Variants in KCNK15 observed in about 807,000 individuals in gnomAD.
KCNK15 encodes the protein potassium two pore domain channel subfamily K member 15, also known as potassium channel subfamily K member 15.
Under a neutral mutation model 8.5 loss-of-function variants are expected in KCNK15, and 9 were observed. The ratio of observed to expected loss-of-function variants is 1.06; its 90% CI spans 0.64 to 1.85. KCNK15 has a LOEUF of 1.85. Ranked by LOEUF, KCNK15 falls within the 40% of genes most tolerant of loss-of-function variation. The pLI is 0.00. For synonymous variants in KCNK15, 224 were observed against 232.7 expected, an observed-to-expected ratio of 0.96 and a Z score of 0.34; for missense variants, 467 against 476.8, an observed-to-expected ratio of 0.98 and a Z score of 0.19.
At chr20:44,747,078 CT>C (rs926933823) in intron 1 of KCNK15, 20 of 152,286 alleles carry the variant, frequency 1.3e-4, no homozygotes, top group African/African-American at 4.3e-4. Context: ...GGCACCCCCC[CT>C]GGGGCTTGGA....
chr20:44,747,218 T>G (rs1258906156), intron 1 of KCNK15: 3 of 152,174 alleles, frequency 2.0e-5, no homozygotes, highest in Non-Finnish European at 4.4e-5. Flanking sequence ...GGAGTTCTGG[T>G]CTCATCTCTA....
At position 44,750,921 on chromosome 20, in the gene KCNK15, C is replaced by T. The variant is rs1177716667; in HGVS notation, c.*83C>T. 4.1e-6 allele frequency: 4 copies of T among 974,866 alleles called. No homozygotes were observed. Among genetic ancestry groups the T allele is most frequent in the African/African-American group, 1.7e-5 (1 of 57,426 alleles). 60.4% of individuals were successfully genotyped at this position (974,866 alleles called of 1,614,324 possible). On this transcript the variant is annotated 3_prime_UTR_variant, in exon 2 of 2. Transcript: ENST00000372861. ...GGGCACCCTCCCCAGGGATTGGAAA[C>T]GGATGACGGGCCTCTAGGCGGTCTT...
chr20:44,750,523 C>G lies in KCNK15; in HGVS notation c.678C>G (p.Leu226=). 1.2e-6 allele frequency: 2 copies of G among 1,612,998 alleles called. No individual in the cohort carries two copies. Among genetic ancestry groups the G allele is most frequent in the Non-Finnish European group, 1.7e-6 (2 of 1,179,524 alleles). ...TCCCCTACGTGGCCTTCAGCTTCCT[C>G]TACATCCTCCTGGGGCTCACGGTCA... ...RKLPYVAFSF[L]YILLGLTVIG... Residue 226 remains leucine, a synonymous_variant, in exon 2 of 2, where the codon CTC becomes CTG. Coordinates refer to ENST00000372861, the MANE Select transcript of KCNK15 (RefSeq NM_022358.4).
chr20:44,746,055 C>A lies in KCNK15; in HGVS notation c.145C>A (p.Arg49=). Residue 49 remains arginine, a synonymous_variant, in exon 1 of 2, where the codon CGG becomes AGG. Transcript: ENST00000372861. ...GCTGGTCCAGAAGCGGGGCGCTCTC[C>A]GGAGGAAGTTCGGCTTCTCGGCCGA... is the stretch of plus-strand genomic sequence containing the variant. ...RLLVQKRGAL[R]RKFGFSAEDY... 2 of 1,551,790 alleles carry A rather than the reference C, an allele frequency of 1.3e-6. No homozygotes were observed. The highest frequency in any genetic ancestry group is 2.5e-5 in the East Asian group (1 of 39,460).
chr20:44,746,070 T>A lies in KCNK15; in HGVS notation c.160T>A (p.Phe54Ile). Residue 54 changes from phenylalanine to isoleucine, a missense_variant, in exon 1 of 2, where the codon TTC becomes ATC. Physicochemically the swap from Phe to Ile is conservative, Grantham distance 21. Around this residue, in one of 2 missense-constraint regions of KCNK15, gnomAD observed 455 missense variants for 441.2 expected, o/e 1.03. Transcript: ENST00000372861. ...KRGALRRKFGFSAEDYRELER... is the reference protein window; with the variant it reads ...KRGALRRKFGISAEDYRELER... Reference sequence around the variant, plus strand: ...GGGCGCTCTCCGGAGGAAGTTCGGCTTCTCGGCCGAGGACTACCGCGAGCT... The same window carrying A: ...GGGCGCTCTCCGGAGGAAGTTCGGCATCTCGGCCGAGGACTACCGCGAGCT... The A allele has an allele frequency of 6.4e-7, 1 of 1,554,132 alleles. No individual in the cohort carries two copies. The highest frequency in any genetic ancestry group is 8.7e-7 in the Non-Finnish European group (1 of 1,149,166).
intron 1 of KCNK15, among the ~76,000 whole-genome samples, chr20:44,749,889 A>T (rs1601010051): frequency 6.6e-6 from 1 of 152,206 alleles, no homozygotes; most frequent in Non-Finnish European, 1.5e-5. Context: ...GAGTTCATTC[A>T]GTTGCTGAAA....
chr20:44,748,926 C>T (rs1448565389), intron 1 of KCNK15, among the ~76,000 whole-genome samples: 1 of 152,196 alleles, frequency 6.6e-6, no homozygotes, highest in African/African-American at 2.4e-5. Flanking sequence ...CCCTCAAAGG[C>T]AAAACCACCC....
intron 1 of KCNK15, among the ~76,000 whole-genome samples, chr20:44,746,406 A>G (rs945561799): frequency 3.9e-5 from 6 of 152,178 alleles, no homozygotes; most frequent in African/African-American, 1.4e-4. Flanking sequence ...CCACGCAGGC[A>G]GGGACGGGAG....
At chr20:44,749,281 A>G (rs991542975) in intron 1 of KCNK15, among the ~76,000 whole-genome samples, 7 of 152,178 alleles carry the variant, frequency 4.6e-5, no homozygotes, top group African/African-American at 1.7e-4. Context: ...CTTTCCAGGA[A>G]AAGACACACA....
intron 1 of KCNK15, among the ~76,000 whole-genome samples, chr20:44,749,410 A>C (rs2066019617): frequency 6.6e-6 from 1 of 152,166 alleles, no homozygotes; most frequent in Non-Finnish European, 1.5e-5. Flanking sequence ...CACGCCAGAC[A>C]ATCAGAACCA....
Position 44,745,871 on chromosome 20 carries a change from A to T in KCNK15, c.-40A>T. ...CGGAGCGCGCGGTCCGGGCACACGG[A>T]GCAGGTTGGGACCGCGGCGGGTACC... On this transcript the variant is annotated 5_prime_UTR_variant, in exon 1 of 2. Transcript: ENST00000372861. 5 of 1,248,268 alleles carry T rather than the reference A, an allele frequency of 4.0e-6. No individual in the cohort carries two copies. In the South Asian group the frequency reaches 1.3e-4, roughly 34 times the overall value. 77.3% of individuals were successfully genotyped at this position (1,248,268 alleles called of 1,614,324 possible). A position where few individuals can be genotyped will look rare whatever the true frequency, so the allele number is the denominator to read the frequency against.
At position 44,750,342 on chromosome 20, in the gene KCNK15, C is replaced by T. The variant is rs751135366; in HGVS notation, c.497C>T (p.Ala166Val). Residue 166 changes from alanine to valine, a missense_variant, in exon 2 of 2, where the codon GCG becomes GTG. By Grantham distance (64) the Ala-to-Val change is moderately conservative. Coordinates refer to ENST00000372861, the MANE Select transcript of KCNK15 (RefSeq NM_022358.4). ...TENLVVAGLL[A>V]CAATLALGAV... ...AACCTGGTGGTGGCCGGGCTGCTGG[C>T]GTGTGCCGCCACCCTGGCCCTCGGG... The T allele has an allele frequency of 2.4e-5, 38 of 1,611,792 alleles. No individual in the cohort carries two copies. The highest frequency in any genetic ancestry group is 3.1e-5 in the Non-Finnish European group (36 of 1,179,472).
chr20:44,749,458 G>C (rs1225850054), intron 1 of KCNK15, among the ~76,000 whole-genome samples: 1 of 152,148 alleles, frequency 6.6e-6, no homozygotes, highest in Non-Finnish European at 1.5e-5. Context: ...CAGTGGAGGG[G>C]GAGGTAGTCA....
Position 44,745,991 on chromosome 20 carries a change from CGCGCTCGAGTCCGA to C in KCNK15, c.83_96del (p.Ala28GlyfsTer38). ...TGCTGGTGGGCGCTGCTGTCTTCGA[CGCGCTCGAGTCCGA>C]GGCGGAAAGCGGCCGCCAGCGACTG... On this transcript the variant is annotated frameshift_variant, in exon 1 of 2. Coordinates refer to ENST00000372861, the MANE Select transcript of KCNK15 (RefSeq NM_022358.4). LOFTEE classifies it high-confidence loss of function. 1 of 1,521,298 alleles carries C rather than the reference CGCGCTCGAGTCCGA, an allele frequency of 6.6e-7. No individual in the cohort carries two copies. The highest frequency in any genetic ancestry group is 8.8e-7 in the Non-Finnish European group (1 of 1,135,134). The allele number at this position is 1,521,298 out of a possible 1,614,324, so 94.2% of individuals were successfully genotyped here. A position where few individuals can be genotyped will look rare whatever the true frequency, so the allele number is the denominator to read the frequency against.
Position 44,750,787 on chromosome 20 carries a change from C to A in KCNK15, c.942C>A (p.Val314=). The A allele has an allele frequency of 1.3e-6, 2 of 1,506,116 alleles. No homozygotes were observed. The highest frequency in any genetic ancestry group is 1.2e-5 in the South Asian group (1 of 80,612). 93.3% of individuals were successfully genotyped at this position (1,506,116 alleles called of 1,614,324 possible). ...TTTCGCCCCCCTCGAGCCCGGGGGT[C>A]GTGCGTGGCGGGCAGGCTCCCAGGC... ...LGFSPPSSPG[V]VRGGQAPRLG... The change falls in exon 2 of 2, where the codon GTC becomes GTA. Residue 314 remains valine (V), a synonymous_variant. Transcript: ENST00000372861.
Position 44,746,043 on chromosome 20 carries a change from C to T in KCNK15, c.133C>T (p.Arg45Trp). The T allele has an allele frequency of 4.5e-6, 7 of 1,547,230 alleles. No individual in the cohort carries two copies. Among genetic ancestry groups the T allele is most frequent in the East Asian group, 2.6e-5 (1 of 39,206 alleles). The change falls in exon 1 of 2, where the codon CGG becomes TGG. Residue 45 changes from arginine (R) to tryptophan (W), a missense_variant. By Grantham distance (101) the Arg-to-Trp change is moderately radical (BLOSUM62 -3). This residue lies in a region of KCNK15 where 455 missense variants were observed against 441.2 expected (regional missense o/e 1.03). Coordinates refer to ENST00000372861, the MANE Select transcript of KCNK15 (RefSeq NM_022358.4). ...SGRQRLLVQK[R>W]GALRRKFGFS... ...CCGCCAGCGACTGCTGGTCCAGAAG[C>T]GGGGCGCTCTCCGGAGGAAGTTCGG...
chr20:44,746,355 C>T (rs575095088), intron 1 of KCNK15, among the ~76,000 whole-genome samples, 162 bp downstream of exon 1: 1 of 152,342 alleles, frequency 6.6e-6, no homozygotes, highest in East Asian at 1.9e-4. Context: ...CCTCGTCTCC[C>T]TGGTCTCCTT....
In KCNK15 at chr20:44,750,553, C is replaced by T. The variant is rs2066025634; in HGVS notation, c.708C>T (p.Gly236=). 2 of 1,612,548 alleles carry T rather than the reference C, an allele frequency of 1.2e-6. No homozygotes were observed. The highest frequency in any genetic ancestry group is 1.7e-5 in the Admixed American group (1 of 59,992). ...TCCTCCTGGGGCTCACGGTCATTGG[C>T]GCCTTCCTCAACCTGGTGGTCCTGC... is the stretch of plus-strand genomic sequence containing the variant. The part of the protein sequence containing the change: ...LYILLGLTVI[G]AFLNLVVLRF... The change falls in exon 2 of 2, where the codon GGC becomes GGT. Residue 236 remains glycine, a synonymous_variant. Coordinates refer to ENST00000372861, the MANE Select transcript of KCNK15 (RefSeq NM_022358.4).
At chr20:44,747,876 T>C (rs991010103) in intron 1 of KCNK15, among the ~76,000 whole-genome samples, 12 of 151,714 alleles carry the variant, frequency 7.9e-5, no homozygotes, top group African/African-American at 2.9e-4. Context: ...TGGAGGGTGC[T>C]GGTTAATAGT....
Sources: allele counts gnomAD v4.1 joint callset (sites outside exome capture counted in the v4.1 genomes callset), GRCh38; gene constraint gnomAD v4.1.1; regional missense constraint gnomAD v4.1.1; transcripts MANE v1.5; gene names NCBI Gene and HGNC (gene_info 2026-07-23, HGNC 2026-07-21).